Variants in EIF2B3 observed in about 807,000 individuals in gnomAD.
The protein encoded by EIF2B3 is eukaryotic translation initiation factor 2B subunit gamma, also known as translation initiation factor eIF2B subunit gamma.
Under a neutral mutation model 54.1 loss-of-function variants are expected in EIF2B3, and 20 were observed. The ratio of observed to expected loss-of-function variants is 0.37; its 90% CI spans 0.26 to 0.54. The LOEUF (loss-of-function observed/expected upper bound fraction) is 0.54, where lower values mean the gene tolerates loss of function less well. Ranked by LOEUF, EIF2B3 falls within the 20% of genes least tolerant of loss-of-function variation. The pLI is 0.86. For synonymous variants in EIF2B3, 153 were observed against 188.1 expected (o/e 0.81, Z 1.52); for missense variants, 448 against 547.8 (o/e 0.82, Z 1.82).
chr1:44,860,626 A>G (rs939834899), intron 10 of EIF2B3, among the ~76,000 whole-genome samples: 3 of 152,212 alleles, frequency 2.0e-5, no homozygotes, highest in African/African-American at 7.2e-5. Flanking sequence ...AGAATCCATA[A>G]TTTAATCATA....
intron 3 of EIF2B3, among the ~76,000 whole-genome samples, chr1:44,947,397 A>G (rs1644114913): frequency 6.6e-6 from 1 of 152,234 alleles, no homozygotes; most frequent in Non-Finnish European, 1.5e-5. Flanking sequence ...GGCAAAGCCC[A>G]GAAATCTCTC....
intron 5 of EIF2B3, among the ~76,000 whole-genome samples, chr1:44,907,418 C>T (rs747915819): frequency 6.6e-6 from 1 of 151,864 alleles, no homozygotes; most frequent in South Asian, 2.1e-4. Context: ...ATTAGCTGGG[C>T]GTGGTGGGGC....
chr1:44,862,470 A>G (rs1654639035), intron 10 of EIF2B3, among the ~76,000 whole-genome samples: 1 of 152,210 alleles, frequency 6.6e-6, no homozygotes, highest in African/African-American at 2.4e-5. Flanking sequence ...CACCTGAGGA[A>G]GAAGGCTAAC....
At chr1:44,884,636 T>TA (rs1655518180) in intron 6 of EIF2B3, among the ~76,000 whole-genome samples, 1 of 152,240 alleles carries the variant, frequency 6.6e-6, no homozygotes, top group African/African-American at 2.4e-5. Flanking sequence ...AAGCAACACT[T>TA]ACTCTTAGCT....
rs1232175383 is a variant in EIF2B3 at position 44,858,958 on chromosome 1, C to T, written c.1203-1151G>A. On this transcript the variant is annotated intron_variant, in intron 10 of 11. Transcript: ENST00000360403. ...AGACTACTCCAGACCCTAAAGCATA[C>T]ACCAAGAGCAGCGCCACTTGCTCAC... 2.9e-4 allele frequency among the ~76,000 whole-genome samples: 44 copies of T among 152,180 alleles called. 1 individual carries two copies. Among genetic ancestry groups the T allele is most frequent in the Admixed American group, 2.9e-3 (44 of 15,270 alleles).
At chr1:44,914,696 C>T (rs1000674099) in intron 5 of EIF2B3, among the ~76,000 whole-genome samples, 1 of 151,960 alleles carries the variant, frequency 6.6e-6, no homozygotes, top group African/African-American at 2.4e-5. Flanking sequence ...CCCTCCCTTC[C>T]TTCCTTTTTT....
intron 6 of EIF2B3, among the ~76,000 whole-genome samples, chr1:44,894,176 T>G (rs1029511672): frequency 6.6e-6 from 1 of 152,176 alleles, no homozygotes; most frequent in African/African-American, 2.4e-5. Flanking sequence ...GTCACAATAC[T>G]CAGACTAAGA....
chr1:44,976,403 T>C (rs1289978475), intron 3 of EIF2B3, among the ~76,000 whole-genome samples: 1 of 152,170 alleles, frequency 6.6e-6, no homozygotes, highest in Non-Finnish European at 1.5e-5. Context: ...GAGATACCAC[T>C]ACATACATAC....
chr1:44,902,622 G>GACCA (rs1424359718), intron 5 of EIF2B3, among the ~76,000 whole-genome samples: 1 of 151,972 alleles, frequency 6.6e-6, no homozygotes, highest in East Asian at 1.9e-4. Context: ...AGGAGTTCAA[G>GACCA]ACCAGCCTGG....
chr1:44,935,232 G>A (rs1306286312), intron 4 of EIF2B3, among the ~76,000 whole-genome samples: 1 of 152,036 alleles, frequency 6.6e-6, no homozygotes, highest in Non-Finnish European at 1.5e-5. Context: ...AATCATGATA[G>A]TATTAAACAA....
intron 5 of EIF2B3, among the ~76,000 whole-genome samples, chr1:44,920,016 G>T (rs533344738): frequency 7.4e-5 from 11 of 149,318 alleles, no homozygotes; most frequent in Non-Finnish European, 1.6e-4. Flanking sequence ...CACTGCACCC[G>T]GCCTGAATGT....
Position 44,850,849 on chromosome 1 carries a change from A to T in EIF2B3, c.*102T>A. ...CCACAAGTCTCCAGCATGCCTTTGG[A>T]AGCCCTTCTTTATTGGGAAATAAAT... On this transcript the variant is annotated 3_prime_UTR_variant, in exon 12 of 12. Transcript: ENST00000360403. 7.3e-7 allele frequency: 1 copy of T among 1,361,452 alleles called. No individual in the cohort carries two copies. Among genetic ancestry groups the T allele is most frequent in the South Asian group, 1.2e-5 (1 of 85,712 alleles). 84.3% of individuals were successfully genotyped at this position (1,361,452 alleles called of 1,614,324 possible).
In EIF2B3 at chr1:44,874,666, G is replaced by A. The variant is rs937325194; in HGVS notation, c.1202+12C>T. The A allele has an allele frequency of 6.2e-6, 10 of 1,613,910 alleles. No individual in the cohort carries two copies. Among genetic ancestry groups the A allele is most frequent in the Admixed American group, 1.7e-5 (1 of 59,980 alleles). On this transcript the variant is annotated intron_variant, in intron 10 of 11. Transcript: ENST00000360403. ...TTATCTTTGCCTCAAGTGGGTACAG[G>A]GGGAAACATACCCTTCCTCCACAGT...
At chr1:44,943,473 G>A (rs1347111570) in intron 3 of EIF2B3, among the ~76,000 whole-genome samples, 4 of 151,760 alleles carry the variant, frequency 2.6e-5, no homozygotes, top group Admixed American at 1.3e-4. Flanking sequence ...AGGCTGGAGT[G>A]CAGTGGCATG....
At chr1:44,928,456 A>G (rs1334914853) in intron 4 of EIF2B3, among the ~76,000 whole-genome samples, 2 of 151,636 alleles carry the variant, frequency 1.3e-5, no homozygotes, top group Non-Finnish European at 2.9e-5. Flanking sequence ...CAATAAATAA[A>G]TTAATTAATT....
At chr1:44,934,623 G>A (rs1387334687) in intron 4 of EIF2B3, among the ~76,000 whole-genome samples, 1 of 151,846 alleles carries the variant, frequency 6.6e-6, no homozygotes, top group Non-Finnish European at 1.5e-5. Flanking sequence ...TCCTGCCTTA[G>A]CCTCCCAAGT....
rs368402405 is a variant in EIF2B3 at position 44,881,575 on chromosome 1, C to T, written c.784+37G>A. Reference sequence around the variant, plus strand: ...ACCACTCTTTCCAAAGGTGCTGCTACCCTTGCCCCTCTTACTGAACCAACC... The same window carrying T: ...ACCACTCTTTCCAAAGGTGCTGCTATCCTTGCCCCTCTTACTGAACCAACC... On this transcript the variant is annotated intron_variant, in intron 7 of 11. Transcript: ENST00000360403. The surrounding 1 kb of genome is among the most constrained non-coding windows in gnomAD (Gnocchi z 4.0). 6 of 1,612,336 alleles carry T rather than the reference C, an allele frequency of 3.7e-6. No individual in the cohort carries two copies. In the African/African-American group the frequency reaches 8.0e-5, roughly 22 times the overall value.
chr1:44,912,773 G>A lies in EIF2B3; in HGVS notation c.566+13855C>T, dbSNP rs536730117. The stretch of plus-strand genomic sequence containing the variant: ...TCAGTATCTGATATCCCTTGCTATT[G>A]TTTGTTAACCTTTTCCATGCATAAT... On this transcript the variant is annotated intron_variant, in intron 5 of 11. Coordinates refer to ENST00000360403, the MANE Select transcript of EIF2B3 (RefSeq NM_020365.5). Among the ~76,000 whole-genome samples the A allele has an allele frequency of 6.6e-5, 10 of 152,214 alleles. No individual in the cohort carries two copies. In the South Asian group the frequency reaches 1.5e-3, roughly 22 times the overall value.
chr1:44,875,182 ACT>A (rs1655081607), intron 9 of EIF2B3, among the ~76,000 whole-genome samples: 1 of 151,998 alleles, frequency 6.6e-6, no homozygotes, highest in Non-Finnish European at 1.5e-5. Flanking sequence ...ACAGAGTGAG[ACT>A]CTGTCTCAAA....
Sources: allele counts gnomAD v4.1 joint callset (sites outside exome capture counted in the v4.1 genomes callset), GRCh38; gene constraint gnomAD v4.1.1; non-coding constraint Gnocchi (gnomAD v3.1); transcripts MANE v1.5; gene names NCBI Gene and HGNC (gene_info 2026-07-23, HGNC 2026-07-21).